Variants in SGCZ observed in about 807,000 individuals in gnomAD.
SGCZ encodes sarcoglycan zeta.
A neutral mutation model predicts 41.3 loss-of-function variants in SGCZ; 40 were observed. That is an observed-to-expected ratio of 0.97 (90% CI 0.75 to 1.26). The LOEUF is 1.26. SGCZ is among the 50% of genes most tolerant of loss of function. SGCZ has a pLI of 0.00. For synonymous variants in SGCZ, 206 were observed against 137.5 expected (o/e 1.50, Z -3.49); for missense variants, 552 against 369.8 (o/e 1.49, Z -4.04).
At position 14,089,797 on chromosome 8, in the gene SGCZ, T is replaced by G. The variant is rs1475683573; in HGVS notation, c.*646A>C. The G allele has an allele frequency of 2.0e-5, 3 of 152,214 alleles. No homozygotes were observed. Among genetic ancestry groups the G allele is most frequent in the Admixed American group, 6.6e-5 (1 of 15,238 alleles). The allele number at this position is 152,214 out of a possible 1,614,324, so 9.4% of individuals were successfully genotyped here. ...TGAGTGCTTTCAAAATTACCTGATGTACAAAATTCTAGACTTAGTAGACAA... is the reference window on the plus strand; with the variant it reads ...TGAGTGCTTTCAAAATTACCTGATGGACAAAATTCTAGACTTAGTAGACAA... On this transcript the variant is annotated 3_prime_UTR_variant, in exon 8 of 8. Coordinates refer to ENST00000382080, the MANE Select transcript of SGCZ (RefSeq NM_139167.4).
intron 1 of SGCZ, among the ~76,000 whole-genome samples, chr8:14,689,103 T>G (rs575318358): frequency 5.3e-4 from 81 of 152,272 alleles, no homozygotes; most frequent in African/African-American, 1.8e-3. Context: ...CACTAGGAAA[T>G]GGTATTTGAC....
intron 1 of SGCZ, among the ~76,000 whole-genome samples, chr8:15,075,162 C>T (rs17574661): frequency 0.015 from 2,252 of 151,648 alleles, 25 homozygotes; most frequent in Non-Finnish European, 0.023. Flanking sequence ...CTTCAGAGTT[C>T]AAACTATGCA....
chr8:14,129,892 T>A (rs918857195), intron 5 of SGCZ, among the ~76,000 whole-genome samples: 12 of 152,274 alleles, frequency 7.9e-5, no homozygotes, highest in African/African-American at 2.6e-4. Context: ...AGATTTAATA[T>A]GGTTAAGCTG....
intron 2 of SGCZ, among the ~76,000 whole-genome samples, chr8:14,353,021 G>A (rs547990183): frequency 1.2e-4 from 18 of 151,980 alleles, no homozygotes; most frequent in East Asian, 7.8e-4. Context: ...CTTTCTGGGC[G>A]TTCTTACCTC....
intron 1 of SGCZ, among the ~76,000 whole-genome samples, chr8:14,658,647 G>A (rs1807651837): frequency 6.6e-6 from 1 of 152,008 alleles, no homozygotes; most frequent in Non-Finnish European, 1.5e-5. Context: ...TTATCCTTTT[G>A]CCTGAAGTCT....
intron 2 of SGCZ, among the ~76,000 whole-genome samples, chr8:14,421,533 T>A (rs972398241): frequency 3.9e-5 from 6 of 152,134 alleles, no homozygotes; most frequent in African/African-American, 1.4e-4. Context: ...TGGACATGTC[T>A]TATCTAAGTC....
chr8:15,164,883 A>T (rs1799612574), intron 1 of SGCZ, among the ~76,000 whole-genome samples: 1 of 151,986 alleles, frequency 6.6e-6, no homozygotes, highest in Non-Finnish European at 1.5e-5. Flanking sequence ...CTTACGGAAT[A>T]AGCTTCTTTC....
intron 2 of SGCZ, among the ~76,000 whole-genome samples, chr8:14,344,778 A>G (rs1246457160): frequency 6.6e-6 from 1 of 152,126 alleles, no homozygotes; most frequent in Admixed American, 6.5e-5. Flanking sequence ...CCAGCTACAA[A>G]TGAAAATATA....
At position 14,329,942 on chromosome 8, in the gene SGCZ, C is replaced by T. The variant is rs147659716; in HGVS notation, c.235-5738G>A. ...TTGTTTGTTTTTCAGAACAGCTCCA[C>T]GTTTTGCCATCAAAATTTCTTGATC... On this transcript the variant is annotated intron_variant, in intron 2 of 7. Coordinates refer to ENST00000382080, the MANE Select transcript of SGCZ (RefSeq NM_139167.4). Among the ~76,000 whole-genome samples, 25 of 152,082 alleles carry T rather than the reference C, an allele frequency of 1.6e-4. No homozygotes were observed. The East Asian group carries it at 3.9e-3, about 24-fold the overall frequency.
chr8:14,387,338 C>A (rs1804611104), intron 2 of SGCZ, among the ~76,000 whole-genome samples: 1 of 152,080 alleles, frequency 6.6e-6, no homozygotes, highest in African/African-American at 2.4e-5. Flanking sequence ...AGGTGTGAGC[C>A]ACAATGCCAA....
intron 1 of SGCZ, among the ~76,000 whole-genome samples, chr8:14,717,902 T>A (rs2130167988): frequency 6.6e-6 from 1 of 151,982 alleles, no homozygotes; most frequent in African/African-American, 2.4e-5. Context: ...GGACATAAAA[T>A]CTGCATCAGA....
At chr8:14,441,404 G>C in intron 2 of SGCZ, among the ~76,000 whole-genome samples, 1 of 151,926 alleles carries the variant, frequency 6.6e-6, no homozygotes, top group East Asian at 1.9e-4. Context: ...GTGAAACCCC[G>C]TCTCTACTGA....
intron 2 of SGCZ, among the ~76,000 whole-genome samples, chr8:14,402,159 A>T (rs1307349919): frequency 2.6e-5 from 4 of 151,850 alleles, no homozygotes; most frequent in Non-Finnish European, 4.4e-5. Context: ...TGTAAATTTG[A>T]CTGAGTTCAT....
intron 4 of SGCZ, among the ~76,000 whole-genome samples, chr8:14,175,815 T>A (rs1386804342): frequency 6.6e-6 from 1 of 152,050 alleles, no homozygotes; most frequent in African/African-American, 2.4e-5. Flanking sequence ...CCAAATCCAA[T>A]CATTGGTAGT....
intron 3 of SGCZ, chr8:14,309,007 G>C (rs1002178042): frequency 9.5e-7 from 1 of 1,049,770 alleles, no homozygotes; most frequent in Non-Finnish European, 1.4e-6. Context: ...CCCGGCCTCA[G>C]CCTCACTTTT....
chr8:14,779,972 C>A (rs1800534927), intron 1 of SGCZ, among the ~76,000 whole-genome samples: 1 of 152,104 alleles, frequency 6.6e-6, no homozygotes. Context: ...TTCTCACGGA[C>A]ATATCAGGAG....
chr8:15,168,639 C>T (rs539128060), intron 1 of SGCZ, among the ~76,000 whole-genome samples: 138 of 144,294 alleles, frequency 9.6e-4, no homozygotes, highest in African/African-American at 3.6e-3. Flanking sequence ...CCAGGGACAC[C>T]TGTTCCCCTC....
intron 2 of SGCZ, among the ~76,000 whole-genome samples, chr8:14,476,645 T>C (rs933808507): frequency 6.6e-6 from 1 of 152,190 alleles, no homozygotes; most frequent in African/African-American, 2.4e-5. Context: ...GAGCAATTTC[T>C]ATGTTTCAAA....
At chr8:15,092,001 G>T (rs1363260457) in intron 1 of SGCZ, among the ~76,000 whole-genome samples, 2 of 152,110 alleles carry the variant, frequency 1.3e-5, no homozygotes, top group Non-Finnish European at 2.9e-5. Context: ...CGATCCACAT[G>T]ACTCGGCCTC....
Sources: allele counts gnomAD v4.1 joint callset (sites outside exome capture counted in the v4.1 genomes callset), GRCh38; gene constraint gnomAD v4.1.1; transcripts MANE v1.5; gene names NCBI Gene and HGNC (gene_info 2026-07-23, HGNC 2026-07-21).